The following FBXL7 variants were observed in gnomAD, a reference collection of about 807,000 sequenced individuals.
The protein encoded by FBXL7 is F-box/LRR-repeat protein 7.
FBXL7 carries 12 observed loss-of-function variants against 38.3 expected under a neutral mutation model. The ratio of observed to expected loss-of-function variants is 0.31; its 90% confidence interval spans 0.20 to 0.51. The LOEUF (loss-of-function observed/expected upper bound fraction) is 0.51. Ranked by LOEUF, FBXL7 falls within the 20% of genes least tolerant of loss-of-function variation. FBXL7 has a pLI of 0.98. For missense variants in FBXL7, 567 were observed against 676.4 expected, an observed-to-expected ratio of 0.84 and a Z score of 1.79; for synonymous variants, 297 against 300.9, an observed-to-expected ratio of 0.99 and a Z score of 0.13.
chr5:15,791,502 T>C (rs1175615542), intron 2 of FBXL7, among the ~76,000 whole-genome samples: 1 of 152,166 alleles, frequency 6.6e-6, no homozygotes, highest in African/African-American at 2.4e-5. Context: ...CCAGAAATGA[T>C]GGGCATGTAT....
chr5:15,894,293 CA>C (rs1339774262), intron 2 of FBXL7, among the ~76,000 whole-genome samples: 3 of 152,102 alleles, frequency 2.0e-5, no homozygotes, highest in African/African-American at 7.2e-5. Context: ...AACAAACAAA[CA>C]AAAAAGAATA....
chr5:15,787,599 C>T (rs929691454), intron 2 of FBXL7, among the ~76,000 whole-genome samples: 1 of 152,150 alleles, frequency 6.6e-6, no homozygotes, highest in Non-Finnish European at 1.5e-5. Flanking sequence ...TGAATTCAGT[C>T]AAATAGAGAG....
intron 1 of FBXL7, among the ~76,000 whole-genome samples, chr5:15,526,296 T>C (rs1737250032): frequency 6.6e-6 from 1 of 152,054 alleles, no homozygotes; most frequent in Admixed American, 6.6e-5. Flanking sequence ...ATCTTGGGCA[T>C]GGAGGATATG....
intron 1 of FBXL7, among the ~76,000 whole-genome samples, chr5:15,509,098 A>G (rs1361624772): frequency 6.6e-6 from 1 of 152,186 alleles, no homozygotes; most frequent in Non-Finnish European, 1.5e-5. Flanking sequence ...GTTATTGGTC[A>G]GTGATATTTG....
intron 2 of FBXL7, among the ~76,000 whole-genome samples, chr5:15,647,486 A>C (rs1200262045): frequency 6.6e-6 from 1 of 152,250 alleles, no homozygotes; most frequent in Non-Finnish European, 1.5e-5. Context: ...CAATGTCTAC[A>C]ATCCAGGAGA....
intron 2 of FBXL7, among the ~76,000 whole-genome samples, chr5:15,902,342 C>T (rs914029308): frequency 6.6e-6 from 1 of 152,320 alleles, no homozygotes; most frequent in African/African-American, 2.4e-5. Flanking sequence ...ACGTTGCATC[C>T]GTGTCCACAC....
chr5:15,636,956 AT>A (rs201823956), intron 2 of FBXL7, among the ~76,000 whole-genome samples: 4 of 130,752 alleles, frequency 3.1e-5, no homozygotes, highest in African/African-American at 1.2e-4. Flanking sequence ...AGAAGCAGAA[AT>A]TTTTTTGTTG....
intron 1 of FBXL7, among the ~76,000 whole-genome samples, chr5:15,574,943 G>A (rs1218762485): frequency 9.0e-6 from 1 of 111,242 alleles, no homozygotes; most frequent in Non-Finnish European, 1.9e-5. Context: ...AGTCATTTTC[G>A]ATTCTTGGCA....
intron 2 of FBXL7, among the ~76,000 whole-genome samples, chr5:15,673,022 T>G (rs1742532155): frequency 6.6e-6 from 1 of 152,160 alleles, no homozygotes; most frequent in Non-Finnish European, 1.5e-5. Flanking sequence ...GGAGTTTCCT[T>G]GGATCCTTAA....
intron 2 of FBXL7, among the ~76,000 whole-genome samples, chr5:15,738,613 A>G (rs549548343): frequency 2.0e-4 from 31 of 152,280 alleles, no homozygotes; most frequent in Non-Finnish European, 3.2e-4. Context: ...ATTTTGTAAT[A>G]AGACCTGCTT....
chr5:15,612,736 C>T (rs1740291336), intron 1 of FBXL7, among the ~76,000 whole-genome samples: 1 of 152,114 alleles, frequency 6.6e-6, no homozygotes, highest in African/African-American at 2.4e-5. Flanking sequence ...CAGTGAAGGC[C>T]ACCTGATGCC....
intron 1 of FBXL7, among the ~76,000 whole-genome samples, chr5:15,595,214 C>T (rs867812701): frequency 2.0e-5 from 3 of 152,120 alleles, no homozygotes; most frequent in South Asian, 2.1e-4. Context: ...ATTATTACTA[C>T]GTTAAGTGCC....
chr5:15,505,218 G>A (rs551120837), intron 1 of FBXL7, among the ~76,000 whole-genome samples: 34 of 152,272 alleles, frequency 2.2e-4, no homozygotes, highest in African/African-American at 8.2e-4. Flanking sequence ...CTAAGGACTT[G>A]CCATGCAGCG....
intron 2 of FBXL7, among the ~76,000 whole-genome samples, chr5:15,681,114 G>A (rs1247632988): frequency 6.6e-6 from 1 of 152,164 alleles, no homozygotes; most frequent in Non-Finnish European, 1.5e-5. Flanking sequence ...GACAGATCTG[G>A]TAGGTATATA....
intron 1 of FBXL7, among the ~76,000 whole-genome samples, chr5:15,595,286 T>A (rs1417394302): frequency 6.6e-6 from 1 of 152,078 alleles, no homozygotes; most frequent in Non-Finnish European, 1.5e-5. Context: ...CCAGAAAGGC[T>A]GCTGTGGAGG....
intron 2 of FBXL7, among the ~76,000 whole-genome samples, chr5:15,654,196 A>G (rs1456889845): frequency 1.3e-5 from 2 of 152,202 alleles, no homozygotes; most frequent in African/African-American, 2.4e-5. Flanking sequence ...GCAAAGGTGC[A>G]TAACTTCTTG....
intron 1 of FBXL7, among the ~76,000 whole-genome samples, chr5:15,536,432 A>G (rs1737585491): frequency 6.6e-6 from 1 of 152,220 alleles, no homozygotes; most frequent in Non-Finnish European, 1.5e-5. Flanking sequence ...CTGCAGAGCG[A>G]CAGAGGTGGA....
At chr5:15,632,258 G>C (rs1741025448) in intron 2 of FBXL7, among the ~76,000 whole-genome samples, 1 of 152,098 alleles carries the variant, frequency 6.6e-6, no homozygotes, top group African/African-American at 2.4e-5. Context: ...TGTGAATTCA[G>C]AGGACCTAGG....
At chr5:15,575,419 C>A (rs1738925786) in intron 1 of FBXL7, among the ~76,000 whole-genome samples, 1 of 152,186 alleles carries the variant, frequency 6.6e-6, no homozygotes, top group Admixed American at 6.5e-5. Flanking sequence ...GAAAATCACA[C>A]AAACAAGAGT....
Sources: gnomAD v4.1 joint callset for allele counts (sites outside exome capture counted in the v4.1 genomes callset) on GRCh38, gnomAD v4.1.1 for gene constraint, MANE v1.5 for transcripts, NCBI Gene and HGNC (gene_info 2026-07-23, HGNC 2026-07-21) for gene names.